PRKDC: variants seen among roughly 807,000 people sequenced by gnomAD.
PRKDC encodes DNA-dependent protein kinase catalytic subunit.
A neutral mutation model predicts 486.9 loss-of-function variants in PRKDC; 82 were observed. The observed-to-expected ratio is 0.17, with a 90% CI of 0.14 to 0.20. The LOEUF (loss-of-function observed/expected upper bound fraction) is 0.20. Ranked by LOEUF, PRKDC falls within the 10% of genes least tolerant of loss-of-function variation. The pLI, the probability that PRKDC is intolerant of heterozygous loss-of-function variation, is 1.00. For missense variants in PRKDC, 4,504 were observed against 5,038.2 expected (o/e 0.89, Z 3.21); for synonymous variants, 1,895 against 1,837.0 (o/e 1.03, Z -0.81).
At chr8:47,959,563 C>A (rs1473863644) in intron 1 of PRKDC, among the ~76,000 whole-genome samples, 1 of 151,894 alleles carries the variant, frequency 6.6e-6, no homozygotes, top group African/African-American at 2.4e-5. Flanking sequence ...CCTGTAATCC[C>A]AGCTACTCGG....
chr8:47,860,985 C>T lies in PRKDC; in HGVS notation c.5986-14G>A, dbSNP rs2088665244. The T allele has an allele frequency of 2.0e-6, 3 of 1,529,128 alleles. No individual in the cohort carries two copies. The highest frequency in any genetic ancestry group is 4.6e-5 in the East Asian group (2 of 43,668). The allele number at this position is 1,529,128 out of a possible 1,614,324, so 94.7% of individuals were successfully genotyped here. ...TTCCATAGGAACCTATTGGGAAGAA[C>T]AAATAAACAATGTAAAACATTTTAT... is the stretch of plus-strand genomic sequence containing the variant. On this transcript the variant is annotated splice_polypyrimidine_tract_variant and intron_variant, in intron 44 of 85. Coordinates refer to ENST00000314191, the MANE Select transcript of PRKDC (RefSeq NM_006904.7).
chr8:47,807,024 T>G (rs1175569093), intron 69 of PRKDC, 113 bp downstream of exon 69: 6 of 1,102,236 alleles, frequency 5.4e-6, no homozygotes, highest in Non-Finnish European at 7.4e-6. Context: ...AGAAAAAAAA[T>G]AACACCTACC....
chr8:47,836,961 T>C (rs964605172), intron 57 of PRKDC, among the ~76,000 whole-genome samples: 7 of 152,170 alleles, frequency 4.6e-5, no homozygotes, highest in African/African-American at 1.7e-4. Flanking sequence ...AAGCTCAGCA[T>C]CCACTGTGGA....
chr8:47,861,065 A>G (rs930228736), intron 44 of PRKDC, 94 bp from the exon 45 acceptor site: 8 of 863,632 alleles, frequency 9.3e-6, no homozygotes, highest in Non-Finnish European at 1.4e-5. Context: ...AAAAAATTAT[A>G]AATTTTTAAA....
In PRKDC at chr8:47,929,887, G is replaced by A. The variant is rs776654479; in HGVS notation, c.2018C>T (p.Thr673Ile). Residue 673 changes from threonine (T) to isoleucine (I), a missense_variant, in exon 18 of 86, where the codon ACA becomes ATA. Thr to Ile is a moderately conservative substitution (Grantham distance 89, BLOSUM62 -1). Coordinates refer to ENST00000314191, the MANE Select transcript of PRKDC (RefSeq NM_006904.7). Reference protein sequence around the residue: ...ISGFYKLLSITVRNAKKIKYF... With the variant: ...ISGFYKLLSIIVRNAKKIKYF... ...TTTTATTTTCTTGGCATTTCTTACT[G>A]TAATAGAAAGCAATTTGTAGAAACC... is the stretch of plus-strand genomic sequence containing the variant. 1.2e-6 allele frequency: 2 copies of A among 1,603,036 alleles called. No homozygotes were observed. The highest frequency in any genetic ancestry group is 1.1e-5 in the South Asian group (1 of 87,372).
Position 47,837,408 on chromosome 8 carries a change from C to T in PRKDC, c.7565G>A (p.Arg2522Gln), listed in dbSNP as rs773817275. The T allele has an allele frequency of 1.2e-5, 20 of 1,604,782 alleles. No individual in the cohort carries two copies. Among genetic ancestry groups the T allele is most frequent in the Middle Eastern group, 1.7e-4 (1 of 6,060 alleles). Reference protein sequence around the residue: ...DENPGLQLIIRNFWSHETRLP... With the variant: ...DENPGLQLIIQNFWSHETRLP... ...CCTAGTTTCATGGCTCCAGAAATTTCGAATAATTAATCTGAAAAGCAAAGA... is the reference window on the plus strand; with the variant it reads ...CCTAGTTTCATGGCTCCAGAAATTTTGAATAATTAATCTGAAAAGCAAAGA... The change falls in exon 57 of 86, where the codon CGA becomes CAA. Residue 2522 changes from arginine (R) to glutamine (Q), a missense_variant. Around this residue, in one of 6 missense-constraint regions of PRKDC, gnomAD observed 1,592 missense variants for 1,724.6 expected, o/e 0.92. Coordinates refer to ENST00000314191, the MANE Select transcript of PRKDC (RefSeq NM_006904.7).
In PRKDC at chr8:47,943,178, T is replaced by C. The variant is rs2090474243; in HGVS notation, c.966+31A>G. On this transcript the variant is annotated intron_variant, in intron 10 of 85. Transcript: ENST00000314191. ...AATTTAATTCTGTGTGTGAAAGAAA[T>C]ATTGTTAAATGACAGTTGAATTTGT... 1.0e-5 allele frequency: 16 copies of C among 1,599,544 alleles called. No individual in the cohort carries two copies. The East Asian group carries it at 3.6e-4, about 36-fold the overall frequency.
At chr8:47,820,064 C>T (rs894639250) in intron 66 of PRKDC, among the ~76,000 whole-genome samples, 1 of 152,082 alleles carries the variant, frequency 6.6e-6, no homozygotes, top group African/African-American at 2.4e-5. Context: ...GAAAGATCAA[C>T]CCCTGCTCTT....
chr8:47,953,638 T>A lies in PRKDC; in HGVS notation c.703A>T (p.Thr235Ser). 1.2e-6 allele frequency: 2 copies of A among 1,613,204 alleles called. No homozygotes were observed. The highest frequency in any genetic ancestry group is 1.7e-6 in the Non-Finnish European group (2 of 1,179,546). Residue 235 changes from threonine to serine, a missense_variant, in exon 7 of 86, where the codon ACT becomes TCT. Transcript: ENST00000314191. ...GCAATACCTTCTTCCATGGACTTAG[T>A]GAAGTTGCACAGAAGTGAGGACAAC... ...KGLSSLLCNF[T>S]KSMEEDPQTS...
Position 47,782,666 on chromosome 8 carries a change from G to A in PRKDC, c.11176-68C>T, listed in dbSNP as rs2086717787. 6.0e-6 allele frequency: 9 copies of A among 1,496,838 alleles called. No homozygotes were observed. The highest frequency in any genetic ancestry group is 8.1e-6 in the Non-Finnish European group (9 of 1,108,956). 92.7% of individuals were successfully genotyped at this position (1,496,838 alleles called of 1,614,324 possible). On this transcript the variant is annotated intron_variant, in intron 78 of 85. Transcript: ENST00000314191. The surrounding 1 kb of genome is among the most constrained non-coding windows in gnomAD (Gnocchi z 4.9). ...GTGTCAAACTCAGAGGGAAAAGCCA[G>A]AGTGGCTGTGAGCATTCCTCCGTGG...
intron 7 of PRKDC, among the ~76,000 whole-genome samples, chr8:47,944,422 A>G (rs1302606246): frequency 6.6e-6 from 1 of 151,572 alleles, no homozygotes; most frequent in Non-Finnish European, 1.5e-5. Context: ...ATGGCCAAAC[A>G]TACCATTCTC....
intron 68 of PRKDC, among the ~76,000 whole-genome samples, chr8:47,816,666 T>C (rs1259437153): frequency 6.6e-6 from 1 of 152,134 alleles, no homozygotes; most frequent in Non-Finnish European, 1.5e-5. Flanking sequence ...AAATAATATG[T>C]AGGGTCTGGT....
intron 60 of PRKDC, among the ~76,000 whole-genome samples, chr8:47,831,324 G>A (rs935476154): frequency 5.3e-5 from 8 of 152,228 alleles, no homozygotes; most frequent in Non-Finnish European, 8.8e-5. Flanking sequence ...GGAGCACCGC[G>A]AGGGATTTTT....
At chr8:47,934,738 T>G (rs926488590) in intron 14 of PRKDC, among the ~76,000 whole-genome samples, 1 of 152,184 alleles carries the variant, frequency 6.6e-6, no homozygotes, top group Non-Finnish European at 1.5e-5. Context: ...CCCTTAGCAA[T>G]TTGTCCTAGA....
chr8:47,824,024 C>A (rs768043358), intron 63 of PRKDC, 28 bp from the exon 64 acceptor site: 1 of 1,543,190 alleles, frequency 6.5e-7, no homozygotes, highest in South Asian at 1.3e-5. Flanking sequence ...AAGGCCAAAT[C>A]AATGAACACT....
chr8:47,807,042 T>C, intron 69 of PRKDC, 95 bp downstream of exon 69: 1 of 1,262,236 alleles, frequency 7.9e-7, no homozygotes, highest in Non-Finnish European at 1.1e-6. Context: ...ACCAATTATT[T>C]TAAGGTTCAG....
At chr8:47,947,845 T>A (rs561793599) in intron 7 of PRKDC, among the ~76,000 whole-genome samples, 98 of 151,878 alleles carry the variant, frequency 6.5e-4, no homozygotes, top group African/African-American at 2.3e-3. Context: ...GAGGCAGAGG[T>A]TACAGTGAGC....
intron 7 of PRKDC, among the ~76,000 whole-genome samples, chr8:47,950,496 G>A (rs954950403): frequency 4.0e-5 from 6 of 151,730 alleles, no homozygotes; most frequent in Non-Finnish European, 8.8e-5. Context: ...GGGCGTGGTG[G>A]CGGGTGCCTG....
intron 80 of PRKDC, among the ~76,000 whole-genome samples, chr8:47,780,977 A>C (rs1370490063): frequency 6.6e-6 from 1 of 152,232 alleles, no homozygotes; most frequent in Non-Finnish European, 1.5e-5. Flanking sequence ...TAAGAAAAAA[A>C]ACAGCAAGGA....
Sources: allele counts gnomAD v4.1 joint callset (sites outside exome capture counted in the v4.1 genomes callset), GRCh38; gene constraint gnomAD v4.1.1; regional missense constraint gnomAD v4.1.1; non-coding constraint Gnocchi (gnomAD v3.1); transcripts MANE v1.5; gene names NCBI Gene and HGNC (gene_info 2026-07-23, HGNC 2026-07-21).